Variants in ANKRD28 observed in about 807,000 individuals in gnomAD.
The protein encoded by ANKRD28 is serine/threonine-protein phosphatase 6 regulatory ankyrin repeat subunit A.
ANKRD28 carries 44 observed loss-of-function variants against 126.5 expected under a neutral mutation model. That is an observed-to-expected ratio of 0.35 (90% confidence interval 0.27 to 0.45). The LOEUF is 0.45. Ranked by LOEUF, ANKRD28 falls within the 20% of genes least tolerant of loss-of-function variation. ANKRD28 has a pLI of 1.00. For missense variants in ANKRD28, 1,110 were observed against 1,316.6 expected (o/e 0.84, Z 2.43); for synonymous variants, 442 against 468.5 (o/e 0.94, Z 0.73).
Position 15,854,790 on chromosome 3 carries a change from C to T in ANKRD28, c.27+4587G>A, listed in dbSNP as rs749770751. Among the ~76,000 whole-genome samples the T allele has an allele frequency of 2.0e-5, 3 of 152,122 alleles. No individual in the cohort carries two copies. Among genetic ancestry groups the T allele is most frequent in the Admixed American group, 6.5e-5 (1 of 15,284 alleles). ...GACACGCCAGGCATGGTGGCTCACG[C>T]CTGTAATCCCAGCACTTTGGGAGGC... On this transcript the variant is annotated intron_variant, in intron 1 of 27. Coordinates refer to the ANKRD28 transcript ENST00000399451. The surrounding 1 kb of genome is among the most constrained non-coding windows in gnomAD (Gnocchi z 4.1).
At position 15,686,089 on chromosome 3, in the gene ANKRD28, C is replaced by A. The variant is rs2068089059; in HGVS notation, c.2082G>T (p.Gly694=). The change falls in exon 20 of 28, where the codon GGG becomes GGT. Residue 694 remains glycine, a synonymous_variant. Transcript: ENST00000683139. ...QTPLMLSVLN[G]HTDCVYSLLN... ...GCAATGAGTAAACACAGTCTGTGTG[C>A]CCGTTGAGAACAGATAGCATCAGAG... is the stretch of plus-strand genomic sequence containing the variant. 2 of 1,613,158 alleles carry A rather than the reference C, an allele frequency of 1.2e-6. No individual in the cohort carries two copies. Among genetic ancestry groups the A allele is most frequent in the South Asian group, 2.2e-5 (2 of 90,820 alleles).
At chr3:15,811,053 T>C (rs1345947845) in intron 1 of ANKRD28, among the ~76,000 whole-genome samples, 2 of 152,190 alleles carry the variant, frequency 1.3e-5, no homozygotes, top group African/African-American at 4.8e-5. Flanking sequence ...ACAGGGTAGT[T>C]TAAGATGCTT....
At chr3:15,800,365 T>C (rs1443798214), upstream of ANKRD28, among the ~76,000 whole-genome samples, 1 of 152,146 alleles carries the variant, frequency 6.6e-6, no homozygotes, top group Non-Finnish European at 1.5e-5. Flanking sequence ...TAGTAACCTC[T>C]CTGTGCTCAT....
chr3:15,767,394 T>A (rs1236669208), intron 2 of ANKRD28, among the ~76,000 whole-genome samples: 1 of 152,178 alleles, frequency 6.6e-6, no homozygotes, highest in Non-Finnish European at 1.5e-5. Flanking sequence ...GTTAGTTGTT[T>A]TCCACTATGT....
intron 1 of ANKRD28, among the ~76,000 whole-genome samples, chr3:15,841,096 G>A (rs915086303): frequency 6.6e-6 from 1 of 152,098 alleles, no homozygotes; most frequent in Non-Finnish European, 1.5e-5. Context: ...CGAGATCCGC[G>A]CCACTGCACT....
chr3:15,834,675 T>C (rs1029758904), intron 1 of ANKRD28, among the ~76,000 whole-genome samples: 2 of 152,192 alleles, frequency 1.3e-5, no homozygotes, highest in African/African-American at 4.8e-5. Context: ...CATACTTCTA[T>C]GAAAAACTGG....
intron 14 of ANKRD28, among the ~76,000 whole-genome samples, chr3:15,706,499 T>C (rs2071435349): frequency 6.6e-6 from 1 of 152,198 alleles, no homozygotes; most frequent in Non-Finnish European, 1.5e-5. Flanking sequence ...TTGATGGACA[T>C]TTGGGGTGGT....
chr3:15,706,173 G>A (rs1247375723), intron 14 of ANKRD28, among the ~76,000 whole-genome samples: 1 of 151,752 alleles, frequency 6.6e-6, no homozygotes, highest in Non-Finnish European at 1.5e-5. Flanking sequence ...CATGTGCCAC[G>A]TTGGTGTGCT....
intron 2 of ANKRD28, among the ~76,000 whole-genome samples, chr3:15,766,607 G>A (rs1456075602): frequency 2.0e-5 from 3 of 152,070 alleles, no homozygotes; most frequent in Non-Finnish European, 2.9e-5. Flanking sequence ...AAGTGAATGA[G>A]GCTGCAGTGA....
At position 15,670,036 on chromosome 3, in the gene ANKRD28, G is replaced by T; in HGVS notation, c.*234C>A. ...AAACCAAATTAAACAATTCCACAAA[G>T]AATTCTGACATCAATGTGTTTTCCT... is the stretch of plus-strand genomic sequence containing the variant. On this transcript the variant is annotated 3_prime_UTR_variant, in exon 28 of 28. Coordinates refer to ENST00000683139, the MANE Select transcript of ANKRD28 (RefSeq NM_001349278.2). 2.1e-6 allele frequency: 1 copy of T among 482,000 alleles called. No individual in the cohort carries two copies. Among genetic ancestry groups the T allele is most frequent in the Non-Finnish European group, 3.7e-6 (1 of 271,840 alleles). 29.9% of individuals were successfully genotyped at this position (482,000 alleles called of 1,614,324 possible). A position where few individuals can be genotyped will look rare whatever the true frequency, so the allele number is the denominator to read the frequency against.
At chr3:15,758,887 G>A (rs1297476146) in intron 3 of ANKRD28, among the ~76,000 whole-genome samples, 1 of 152,182 alleles carries the variant, frequency 6.6e-6, no homozygotes, top group Non-Finnish European at 1.5e-5. Context: ...AGTAAGGAGA[G>A]TATTTTTTAT....
rs151030953 is a variant in ANKRD28, at chr3:15,743,827, C to T, written c.352-6594G>A. ...TTAACCTGAAGCAGTCTTTCTTAAC[C>T]TAGTTTCAGTGAGGTAATTAAGCAC... is the stretch of plus-strand genomic sequence containing the variant. On this transcript the variant is annotated intron_variant, in intron 4 of 27. Coordinates refer to ENST00000683139, the MANE Select transcript of ANKRD28 (RefSeq NM_001349278.2). Among the ~76,000 whole-genome samples the T allele has an allele frequency of 5.4e-3, 826 of 152,250 alleles. 6 individuals carry two copies. The highest frequency in any genetic ancestry group is 9.5e-3 in the Non-Finnish European group (647 of 68,006).
chr3:15,684,990 C>A, intron 21 of ANKRD28: 3 of 506,068 alleles, frequency 5.9e-6, no homozygotes, highest in East Asian at 6.9e-5. Flanking sequence ...AAAGAAAAAC[C>A]TCAAAAATAC....
intron 21 of ANKRD28, chr3:15,684,325 G>A (rs1481211480): frequency 3.3e-5 from 5 of 152,096 alleles, no homozygotes; most frequent in Non-Finnish European, 7.3e-5. Context: ...ACCTATAAAA[G>A]CGATGACTGT....
intron 12 of ANKRD28, among the ~76,000 whole-genome samples, chr3:15,710,941 T>C (rs1200327905): frequency 1.3e-5 from 2 of 152,190 alleles, no homozygotes; most frequent in African/African-American, 4.8e-5. Flanking sequence ...AGAAATAGTT[T>C]TACTTATCCA....
intron 3 of ANKRD28, chr3:15,756,613 C>G: frequency 1.7e-6 from 1 of 594,234 alleles, no homozygotes; most frequent in Non-Finnish European, 2.1e-6. Context: ...GGCTGTATAA[C>G]TAGTTGGCTG....
intron 1 of ANKRD28, among the ~76,000 whole-genome samples, chr3:15,841,967 A>C (rs931564248): frequency 6.6e-6 from 1 of 151,710 alleles, no homozygotes; most frequent in African/African-American, 2.4e-5. Flanking sequence ...TATATTGAAG[A>C]GATATCTGCA....
intron 1 of ANKRD28, among the ~76,000 whole-genome samples, chr3:15,804,682 TGAGGTGGTTACAGCCAAGTG>T (rs1026413262): frequency 6.2e-5 from 9 of 145,342 alleles, no homozygotes; most frequent in African/African-American, 1.8e-4. Context: ...ATGTGGTCAT[TGAGGTGGTTACAGCCAAGTG>T]GAGGTGGTTA....
At chr3:15,737,339 G>GAAAATA in intron 4 of ANKRD28, 106 bp from the exon 5 acceptor site, 1 of 962,690 alleles carries the variant, frequency 1.0e-6, no homozygotes, top group South Asian at 1.8e-5. Flanking sequence ...TACATATGAA[G>GAAAATA]AAAATAAAAA....
Sources: allele counts gnomAD v4.1 joint callset (sites outside exome capture counted in the v4.1 genomes callset), GRCh38; gene constraint gnomAD v4.1.1; non-coding constraint Gnocchi (gnomAD v3.1); transcripts MANE v1.5; gene names NCBI Gene and HGNC (gene_info 2026-07-23, HGNC 2026-07-21).